LRRK2: variants seen among roughly 807,000 people sequenced by gnomAD.
LRRK2 encodes the protein leucine rich repeat kinase 2.
A neutral mutation model predicts 302.6 loss-of-function variants in LRRK2; 203 were observed. The ratio of observed to expected loss-of-function variants is 0.67; its 90% confidence interval spans 0.60 to 0.75. The LOEUF is 0.75. LRRK2 is among the 30% of genes least tolerant of loss of function. The probability of loss-of-function intolerance (pLI) is 0.00; values close to 1 mark genes in which losing one functional copy is unlikely to be tolerated. For synonymous variants in LRRK2, 1,066 were observed against 1,031.9 expected (o/e 1.03, Z -0.63); for missense variants, 2,830 against 2,951.0 (o/e 0.96, Z 0.95).
chr12:40,242,321 T>C (rs914271530), intron 6 of LRRK2, among the ~76,000 whole-genome samples: 1 of 152,166 alleles, frequency 6.6e-6, no homozygotes, highest in African/African-American at 2.4e-5. Context: ...TAAAATGTTT[T>C]GCAAACAGCC....
chr12:40,294,157 A>G (rs1209538534), intron 21 of LRRK2, among the ~76,000 whole-genome samples: 1 of 151,536 alleles, frequency 6.6e-6, no homozygotes, highest in Non-Finnish European at 1.5e-5. Context: ...CTATCTATCT[A>G]TCTATCTATC....
intron 13 of LRRK2, among the ~76,000 whole-genome samples, chr12:40,261,752 T>A (rs1279339898): frequency 1.3e-5 from 2 of 152,140 alleles, no homozygotes; most frequent in African/African-American, 2.4e-5. Flanking sequence ...TAGGTGTACA[T>A]GTATTCATTT....
rs919948805 is a variant in LRRK2 at position 40,253,550 on chromosome 12, T to G, written c.1288+534T>G. On this transcript the variant is annotated intron_variant, in intron 11 of 50. Transcript: ENST00000298910. ...ACAGGCATGCACTGCCATACCTGGC[T>G]AATTTTTTGCAGAGATGGTGTTTTG... 2.6e-5 allele frequency among the ~76,000 whole-genome samples: 4 copies of G among 152,304 alleles called. No individual in the cohort carries two copies. In the East Asian group the frequency reaches 7.7e-4, roughly 29 times the overall value.
intron 14 of LRRK2, among the ~76,000 whole-genome samples, chr12:40,267,798 G>A (rs1281713741): frequency 2.0e-5 from 3 of 152,096 alleles, no homozygotes; most frequent in Admixed American, 2.0e-4. Context: ...TCTAAAAAAT[G>A]AGAGCAATTA....
intron 14 of LRRK2, among the ~76,000 whole-genome samples, chr12:40,268,158 T>C (rs1212562620): frequency 6.6e-6 from 1 of 152,226 alleles, no homozygotes; most frequent in Non-Finnish European, 1.5e-5. Context: ...CAGAGAGATA[T>C]ATTTGTTCAT....
chr12:40,236,765 C>G (rs1941484259), intron 4 of LRRK2, among the ~76,000 whole-genome samples: 1 of 152,126 alleles, frequency 6.6e-6, no homozygotes, highest in South Asian at 2.1e-4. Context: ...AGAAGGTACT[C>G]AACATTTCAC....
At chr12:40,283,476 CAGGACAGT>C (rs1013354505) in intron 18 of LRRK2, among the ~76,000 whole-genome samples, 1 of 152,124 alleles carries the variant, frequency 6.6e-6, no homozygotes, top group Admixed American at 6.5e-5. Flanking sequence ...CAAATAAAGG[CAGGACAGT>C]AGTATTTACT....
intron 2 of LRRK2, among the ~76,000 whole-genome samples, chr12:40,226,295 A>C (rs900674448): frequency 1.3e-5 from 2 of 152,208 alleles, no homozygotes; most frequent in African/African-American, 2.4e-5. Flanking sequence ...GGGCCTTAAA[A>C]ATGGTAATTA....
At chr12:40,320,473 GTATGTGTGTGTTCT>G (rs1414499630) in intron 34 of LRRK2, among the ~76,000 whole-genome samples, 1 of 152,002 alleles carries the variant, frequency 6.6e-6, no homozygotes, top group Non-Finnish European at 1.5e-5. Flanking sequence ...CTGTGTTTGT[GTATGTGTGTGTTCT>G]TAAACAACAC....
rs1347962742 is a variant in LRRK2 at position 40,321,924 on chromosome 12, T to C, written c.5171-111T>C. On this transcript the variant is annotated intron_variant, in intron 35 of 50. Transcript: ENST00000298910. ...AGGACTCATATCAGTAACAACCCAATACTTTATTTCAAAATGAATAGATCT... is the reference window on the plus strand; with the variant it reads ...AGGACTCATATCAGTAACAACCCAACACTTTATTTCAAAATGAATAGATCT... 4.7e-6 allele frequency: 5 copies of C among 1,059,864 alleles called. No individual in the cohort carries two copies. The East Asian group carries it at 1.2e-4, about 26-fold the overall frequency. 65.7% of individuals were successfully genotyped at this position (1,059,864 alleles called of 1,614,324 possible). A position where few individuals can be genotyped will look rare whatever the true frequency, so the allele number is the denominator to read the frequency against.
At chr12:40,332,743 T>A (rs1945747151) in intron 39 of LRRK2, among the ~76,000 whole-genome samples, 1 of 152,108 alleles carries the variant, frequency 6.6e-6, no homozygotes, top group Admixed American at 6.6e-5. Flanking sequence ...TGACATAATC[T>A]CTTTTAATGT....
intron 4 of LRRK2, among the ~76,000 whole-genome samples, chr12:40,237,210 C>T (rs1336993574): frequency 2.0e-5 from 3 of 152,002 alleles, no homozygotes; most frequent in African/African-American, 7.3e-5. Flanking sequence ...GTACTATAGT[C>T]GGTTGTGTGA....
chr12:40,321,503 A>G (rs370377884), intron 35 of LRRK2, among the ~76,000 whole-genome samples: 1 of 101,624 alleles, frequency 9.8e-6, no homozygotes, highest in African/African-American at 3.7e-5. Flanking sequence ...CCACTAAGAC[A>G]TTTACAAAAA....
At chr12:40,253,957 T>A (rs952728795) in intron 11 of LRRK2, among the ~76,000 whole-genome samples, 5 of 152,186 alleles carry the variant, frequency 3.3e-5, no homozygotes, top group South Asian at 2.1e-4. Context: ...TATACTTTTT[T>A]AAAAAATCGT....
intron 11 of LRRK2, among the ~76,000 whole-genome samples, chr12:40,253,734 A>C (rs1942381981): frequency 6.6e-6 from 1 of 152,134 alleles, no homozygotes; most frequent in Non-Finnish European, 1.5e-5. Flanking sequence ...ATTCTGTTTT[A>C]TGAACCAATT....
In LRRK2 at chr12:40,323,236, T is replaced by C. The variant is rs769052083; in HGVS notation, c.5586T>C (p.Ala1862=). The C allele has an allele frequency of 6.2e-7, 1 of 1,613,388 alleles. No individual in the cohort carries two copies. Among genetic ancestry groups the C allele is most frequent in the South Asian group, 1.1e-5 (1 of 91,040 alleles). Residue 1862 remains alanine (A), a synonymous_variant, in exon 38 of 51, where the codon GCT becomes GCC. Transcript: ENST00000298910. The part of the protein sequence containing the change: ...ISQIAPDLIL[A]DLPRNIMLNN... The stretch of plus-strand genomic sequence containing the variant: ...AGATTGCCCCTGACTTGATTTTGGC[T>C]GACCTGCCTAGAAATATTATGTTGA...
chr12:40,293,519 A>G (rs780377015), intron 20 of LRRK2, 26 bp from the exon 21 acceptor site: 1 of 1,406,414 alleles, frequency 7.1e-7, no homozygotes, highest in Non-Finnish European at 1.0e-6. Context: ...ATTCACCTTC[A>G]TGTTATTTTA....
intron 42 of LRRK2, among the ~76,000 whole-genome samples, chr12:40,347,621 G>A (rs768660984): frequency 6.6e-6 from 1 of 152,150 alleles, no homozygotes; most frequent in African/African-American, 2.4e-5. Context: ...ATAAACCTTA[G>A]ATATAATCTA....
intron 14 of LRRK2, among the ~76,000 whole-genome samples, chr12:40,270,059 A>G (rs967042591): frequency 7.9e-5 from 12 of 152,168 alleles, no homozygotes; most frequent in African/African-American, 2.9e-4. Flanking sequence ...GGAGATAATA[A>G]CTGATTTTTC....
Sources: gnomAD v4.1 joint callset for allele counts (sites outside exome capture counted in the v4.1 genomes callset) on GRCh38, gnomAD v4.1.1 for gene constraint, MANE v1.5 for transcripts, NCBI Gene and HGNC (gene_info 2026-07-23, HGNC 2026-07-21) for gene names.